SNW1: variants seen among roughly 807,000 people sequenced by gnomAD.
SNW1 encodes the protein SNW domain containing 1, also known as SNW domain-containing protein 1.
In SNW1, 9 loss-of-function variants were observed where a neutral mutation model predicts 75.6. That is an observed-to-expected ratio of 0.12 (90% CI 0.07 to 0.21). The LOEUF is 0.21. Among genes scored for constraint, SNW1 ranks in the 10% least tolerant of loss-of-function variants. The pLI is 1.00. For synonymous variants in SNW1, 200 were observed against 219.1 expected, an observed-to-expected ratio of 0.91 and a Z score of 0.77; for missense variants, 409 against 670.9, an observed-to-expected ratio of 0.61 and a Z score of 4.31.
At chr14:77,760,837 G>C (rs763154973) in intron 1 of SNW1, 223 of 738,158 alleles carry the variant, frequency 3.0e-4, no homozygotes, top group Non-Finnish European at 5.0e-4. Flanking sequence ...CTCCCCGCAA[G>C]ATGCTCACGC....
chr14:77,749,447 G>A (rs928760101), intron 3 of SNW1, among the ~76,000 whole-genome samples: 2 of 152,178 alleles, frequency 1.3e-5, no homozygotes, highest in African/African-American at 2.4e-5. Flanking sequence ...AACACTGCGA[G>A]TAGGTACTCA....
intron 12 of SNW1, 67 bp from the exon 13 acceptor site, chr14:77,718,597 T>A (rs2080510130): frequency 9.4e-7 from 1 of 1,068,038 alleles, no homozygotes; most frequent in African/African-American, 1.6e-5. Context: ...AATCATAACA[T>A]GTTTACAGTA....
At chr14:77,744,171 G>C (rs1209872309) in intron 3 of SNW1, among the ~76,000 whole-genome samples, 1 of 150,378 alleles carries the variant, frequency 6.6e-6, no homozygotes. Context: ...AAATAGCATA[G>C]GCTGGGCACA....
intron 10 of SNW1, 140 bp downstream of exon 10, chr14:77,730,848 C>G: frequency 1.2e-6 from 1 of 849,784 alleles, no homozygotes; most frequent in African/African-American, 1.7e-5. Flanking sequence ...AGAGATTACT[C>G]TCCATTTCTA....
chr14:77,739,206 G>A (rs1775604493), intron 3 of SNW1, 145 bp from the exon 4 acceptor site: 3 of 659,616 alleles, frequency 4.5e-6, no homozygotes, highest in Non-Finnish European at 8.0e-6. Context: ...TAAAACCAAG[G>A]AAGCTTAAAA....
At chr14:77,719,659 A>AAC (rs139385909) in intron 12 of SNW1, among the ~76,000 whole-genome samples, 18,595 of 148,800 alleles carry the variant, frequency 0.12, 1,456 homozygotes, top group African/African-American at 0.22. Flanking sequence ...AAAACAAACA[A>AAC]AAAAAACTTT....
chr14:77,734,489 A>G (rs1019571727), intron 8 of SNW1, among the ~76,000 whole-genome samples: 1 of 152,198 alleles, frequency 6.6e-6, no homozygotes, highest in African/African-American at 2.4e-5. Context: ...CCTGCAATCT[A>G]AGCCCTTTGG....
At chr14:77,747,376 C>G (rs973458840) in intron 3 of SNW1, among the ~76,000 whole-genome samples, 8 of 152,222 alleles carry the variant, frequency 5.3e-5, no homozygotes, top group African/African-American at 1.9e-4. Context: ...GCCAGGCCGC[C>G]CATCGTCTGG....
intron 8 of SNW1, among the ~76,000 whole-genome samples, chr14:77,733,422 A>T (rs116110293): frequency 3.3e-5 from 5 of 152,148 alleles, no homozygotes; most frequent in African/African-American, 1.2e-4. Flanking sequence ...ATGATCTGTT[A>T]TATTCTTAGA....
Position 77,738,950 on chromosome 14 carries a change from A to G in SNW1, c.426+16T>C. The G allele has an allele frequency of 1.9e-6, 3 of 1,611,316 alleles. No individual in the cohort carries two copies. The highest frequency in any genetic ancestry group is 2.5e-6 in the Non-Finnish European group (3 of 1,177,398). On this transcript the variant is annotated intron_variant, in intron 4 of 13. Transcript: ENST00000261531. ...CAGGATGTAAATAGTCATCGAATAT[A>G]TCAATTCCCAGTTACCTCTTTAATA...
At chr14:77,747,623 A>G (rs2080771901) in intron 3 of SNW1, among the ~76,000 whole-genome samples, 1 of 145,666 alleles carries the variant, frequency 6.9e-6, no homozygotes, top group South Asian at 2.2e-4. Flanking sequence ...CTGAGAAGGG[A>G]AGAGCCCCTC....
At chr14:77,743,482 T>C (rs1367885618) in intron 3 of SNW1, among the ~76,000 whole-genome samples, 3 of 152,194 alleles carry the variant, frequency 2.0e-5, no homozygotes, top group African/African-American at 4.8e-5. Context: ...ACTATTAATA[T>C]TTCAGTGAGA....
chr14:77,753,836 C>T (rs1177503172), intron 2 of SNW1, among the ~76,000 whole-genome samples: 2 of 151,624 alleles, frequency 1.3e-5, no homozygotes, highest in Admixed American at 6.6e-5. Context: ...GCCTGTAATC[C>T]TGGCTACTTG....
intron 1 of SNW1, among the ~76,000 whole-genome samples, chr14:77,759,031 C>T: frequency 6.6e-6 from 1 of 152,246 alleles, no homozygotes; most frequent in Non-Finnish European, 1.5e-5. Context: ...CCCATGACCT[C>T]ATCTTCAGGT....
intron 1 of SNW1, among the ~76,000 whole-genome samples, chr14:77,757,919 C>CATCCATCT (rs370811417): frequency 7.5e-5 from 11 of 147,574 alleles, no homozygotes; most frequent in Admixed American, 1.4e-4. Flanking sequence ...TCAATCTAAT[C>CATCCATCT]ATCTATCTAT....
intron 1 of SNW1, chr14:77,760,730 G>A (rs747793048): frequency 1.4e-6 from 1 of 702,494 alleles, no homozygotes; most frequent in South Asian, 1.5e-5. Flanking sequence ...AAGCCGCGCA[G>A]TCGCAGCCCG....
chr14:77,730,662 T>C (rs2080621028), intron 10 of SNW1, among the ~76,000 whole-genome samples: 1 of 152,194 alleles, frequency 6.6e-6, no homozygotes, highest in South Asian at 2.1e-4. Flanking sequence ...ATTATTCTGT[T>C]AGATACCTAA....
intron 2 of SNW1, among the ~76,000 whole-genome samples, chr14:77,754,290 C>T (rs751601683): frequency 2.0e-5 from 3 of 152,046 alleles, no homozygotes; most frequent in East Asian, 1.9e-4. Flanking sequence ...GTGATCTGCC[C>T]GCCTTGGCCT....
intron 6 of SNW1, among the ~76,000 whole-genome samples, chr14:77,736,237 AC>A (rs2080670400): frequency 6.6e-6 from 1 of 152,184 alleles, no homozygotes; most frequent in Non-Finnish European, 1.5e-5. Context: ...AGAGTAATAT[AC>A]TTTTTTCCAC....
Sources: gnomAD v4.1 joint callset for allele counts (sites outside exome capture counted in the v4.1 genomes callset) on GRCh38, gnomAD v4.1.1 for gene constraint, MANE v1.5 for transcripts, NCBI Gene and HGNC (gene_info 2026-07-23, HGNC 2026-07-21) for gene names.